Variants in MGLL observed in about 807,000 individuals in gnomAD.
MGLL encodes the protein monoglyceride lipase, also known as lysophospholipase homolog.
In MGLL, 7 loss-of-function variants were observed where a neutral mutation model predicts 29.1. That is an observed-to-expected ratio of 0.24 (90% CI 0.14 to 0.45). The LOEUF (loss-of-function observed/expected upper bound fraction) is 0.45. Ranked by LOEUF, MGLL falls within the 20% of genes least tolerant of loss-of-function variation. The pLI is 0.99. For missense variants in MGLL, 356 were observed against 413.6 expected (o/e 0.86, Z 1.21); for synonymous variants, 148 against 168.3 (o/e 0.88, Z 0.93).
chr3:127,735,641 C>T (rs2076228730), intron 3 of MGLL: 2 of 1,482,474 alleles, frequency 1.3e-6, no homozygotes, highest in Admixed American at 4.1e-5. Context: ...ATTGTAGTTA[C>T]CTCCAGTCAC....
intron 3 of MGLL, among the ~76,000 whole-genome samples, chr3:127,767,063 ACT>A (rs1169733906): frequency 8.4e-6 from 1 of 118,412 alleles, no homozygotes. Flanking sequence ...ATGGAGTGAG[ACT>A]CTATCAAAAA....
At chr3:127,769,374 T>C (rs1261929440) in intron 3 of MGLL, among the ~76,000 whole-genome samples, 3 of 148,252 alleles carry the variant, frequency 2.0e-5, no homozygotes, top group Non-Finnish European at 4.5e-5. Flanking sequence ...AAAAAAAGAA[T>C]TGGATTGTCT....
chr3:127,781,658 AT>A (rs1010720970), intron 3 of MGLL, 130 bp downstream of exon 3: 4 of 907,196 alleles, frequency 4.4e-6, no homozygotes, highest in African/African-American at 3.3e-5. Context: ...GCATAACTAC[AT>A]TTTTTTACTT....
At chr3:127,695,910 G>A (rs1366766551) in intron 6 of MGLL, among the ~76,000 whole-genome samples, 1 of 152,216 alleles carries the variant, frequency 6.6e-6, no homozygotes, top group Non-Finnish European at 1.5e-5. Flanking sequence ...TCCACCTGGT[G>A]GAAGTGGATG....
chr3:127,763,798 G>C (rs969223448), intron 3 of MGLL, among the ~76,000 whole-genome samples: 6 of 152,176 alleles, frequency 3.9e-5, no homozygotes, highest in African/African-American at 1.4e-4. Context: ...ACCCCTGTGT[G>C]GGGGAGGGGG....
At chr3:127,717,465 G>C (rs2075837391) in intron 5 of MGLL, among the ~76,000 whole-genome samples, 1 of 152,208 alleles carries the variant, frequency 6.6e-6, no homozygotes, top group Non-Finnish European at 1.5e-5. Flanking sequence ...CCTCCTTCCA[G>C]GGCGGTGCTG....
At chr3:127,818,502 C>T (rs1405665715) in intron 2 of MGLL, among the ~76,000 whole-genome samples, 1 of 152,106 alleles carries the variant, frequency 6.6e-6, no homozygotes, top group Non-Finnish European at 1.5e-5. Context: ...TACCACGGAA[C>T]CCAGCTGATT....
At chr3:127,791,939 G>T (rs2077307254) in intron 2 of MGLL, among the ~76,000 whole-genome samples, 1 of 152,208 alleles carries the variant, frequency 6.6e-6, no homozygotes, top group East Asian at 1.9e-4. Flanking sequence ...ATGGTGATGA[G>T]TGCTTGTAGT....
At chr3:127,814,145 G>A (rs889676156) in intron 2 of MGLL, among the ~76,000 whole-genome samples, 4 of 152,054 alleles carry the variant, frequency 2.6e-5, no homozygotes, top group Middle Eastern at 3.2e-3. Flanking sequence ...GAGACTTTGC[G>A]GAACATCAAG....
At chr3:127,818,358 A>T (rs1442738443) in intron 2 of MGLL, among the ~76,000 whole-genome samples, 14 of 151,806 alleles carry the variant, frequency 9.2e-5, no homozygotes, top group Admixed American at 9.2e-4. Flanking sequence ...TTGTTTTCAG[A>T]AGGGATACCT....
intron 3 of MGLL, among the ~76,000 whole-genome samples, chr3:127,749,634 A>G (rs988604539): frequency 3.3e-5 from 5 of 152,138 alleles, no homozygotes; most frequent in African/African-American, 4.8e-5. Context: ...CCTGTGGCCC[A>G]GAGCAGATTC....
intron 3 of MGLL, among the ~76,000 whole-genome samples, chr3:127,780,531 G>A (rs1023770674): frequency 5.9e-5 from 9 of 152,190 alleles, no homozygotes; most frequent in East Asian, 1.9e-4. Flanking sequence ...GGGACAGTTC[G>A]CAAAGCACTA....
chr3:127,764,336 G>A (rs1211001171), intron 3 of MGLL, among the ~76,000 whole-genome samples: 1 of 152,224 alleles, frequency 6.6e-6, no homozygotes, highest in Non-Finnish European at 1.5e-5. Context: ...CAGACCTGGA[G>A]TGGAAGGGGT....
intron 3 of MGLL, among the ~76,000 whole-genome samples, chr3:127,739,892 T>C (rs1576530445): frequency 6.6e-6 from 1 of 152,324 alleles, no homozygotes; most frequent in East Asian, 1.9e-4. Context: ...ACTTGCTGTA[T>C]GCTGGCCAGT....
chr3:127,734,186 T>A (rs2076203098), intron 3 of MGLL, among the ~76,000 whole-genome samples: 1 of 152,132 alleles, frequency 6.6e-6, no homozygotes, highest in African/African-American at 2.4e-5. Context: ...CTTGACCGGG[T>A]CTCACTTTCA....
upstream of MGLL, chr3:127,822,588 C>G: frequency 2.0e-6 from 1 of 509,130 alleles, no homozygotes; most frequent in Non-Finnish European, 3.5e-6. Context: ...CATCACTTTT[C>G]CTAAACAAAT....
intron 6 of MGLL, among the ~76,000 whole-genome samples, chr3:127,703,277 T>C (rs920025724): frequency 1.3e-5 from 2 of 152,226 alleles, no homozygotes; most frequent in Non-Finnish European, 2.9e-5. Flanking sequence ...TTCTCTGCCT[T>C]CTCACAGGCT....
chr3:127,725,341 A>G (rs1251853179), intron 3 of MGLL, among the ~76,000 whole-genome samples: 1 of 152,220 alleles, frequency 6.6e-6, no homozygotes. Flanking sequence ...TGCATTTTAA[A>G]AGACATTTGA....
chr3:127,746,722 G>C (rs905835539), intron 3 of MGLL, among the ~76,000 whole-genome samples: 6 of 152,146 alleles, frequency 3.9e-5, no homozygotes, highest in Non-Finnish European at 7.3e-5. Context: ...CATCCTTCTT[G>C]TCCTCTGCCA....
Sources: allele counts gnomAD v4.1 joint callset (sites outside exome capture counted in the v4.1 genomes callset), GRCh38; gene constraint gnomAD v4.1.1; transcripts MANE v1.5; gene names NCBI Gene and HGNC (gene_info 2026-07-23, HGNC 2026-07-21).